Variants in LINGO2 observed in about 807,000 individuals in gnomAD.
LINGO2 encodes the protein leucine-rich repeat and immunoglobulin-like domain-containing nogo receptor-interacting protein 2.
In LINGO2, 14 loss-of-function variants were observed where a neutral mutation model predicts 30.6. The observed-to-expected ratio is 0.46, with a 90% CI of 0.30 to 0.72. The LOEUF (loss-of-function observed/expected upper bound fraction) is 0.72. LINGO2 is among the 30% of genes least tolerant of loss of function. The pLI is 0.07. For synonymous variants in LINGO2, 317 were observed against 288.5 expected, an observed-to-expected ratio of 1.10 and a Z score of -1.00; for missense variants, 729 against 751.7, an observed-to-expected ratio of 0.97 and a Z score of 0.35.
At chr9:28,388,055 A>G (rs1375727138) in intron 2 of LINGO2, among the ~76,000 whole-genome samples, 1 of 152,122 alleles carries the variant, frequency 6.6e-6, no homozygotes, top group Non-Finnish European at 1.5e-5. Flanking sequence ...CATTACTCCT[A>G]CCCACCAAAG....
the LINGO2 span, among the ~76,000 whole-genome samples, chr9:28,753,040 G>T: frequency 2.0e-5 from 3 of 152,172 alleles, no homozygotes; most frequent in South Asian, 4.1e-4. Flanking sequence ...CTGTCACCTG[G>T]AGATTTTTGA....
intron 5 of LINGO2, among the ~76,000 whole-genome samples, chr9:27,999,182 A>C (rs1037700091): frequency 6.6e-6 from 1 of 152,046 alleles, no homozygotes; most frequent in Non-Finnish European, 1.5e-5. Context: ...AAAAAGCAAA[A>C]AAAAACCCAA....
chr9:28,027,331 A>G (rs1014884651), intron 4 of LINGO2, among the ~76,000 whole-genome samples: 2 of 152,184 alleles, frequency 1.3e-5, no homozygotes, highest in African/African-American at 4.8e-5. Flanking sequence ...TCAAGCATGC[A>G]TACTCTGGAA....
At chr9:28,304,072 C>T (rs1043934083) in intron 3 of LINGO2, among the ~76,000 whole-genome samples, 2 of 151,944 alleles carry the variant, frequency 1.3e-5, no homozygotes, top group African/African-American at 4.8e-5. Context: ...GATCTAGGTG[C>T]ACAAGCTTCT....
At chr9:28,508,262 T>C (rs2135349310) in intron 1 of LINGO2, among the ~76,000 whole-genome samples, 1 of 152,234 alleles carries the variant, frequency 6.6e-6, no homozygotes, top group Non-Finnish European at 1.5e-5. Flanking sequence ...AGATTACAGC[T>C]TTAATATATC....
chr9:28,065,127 G>C (rs960793113), intron 4 of LINGO2, among the ~76,000 whole-genome samples: 2 of 151,802 alleles, frequency 1.3e-5, no homozygotes, highest in African/African-American at 4.8e-5. Context: ...CCTAAATTGT[G>C]GACGTGGCTT....
intron 4 of LINGO2, among the ~76,000 whole-genome samples, chr9:28,184,029 C>T (rs1452852091): frequency 6.6e-6 from 1 of 152,208 alleles, no homozygotes; most frequent in African/African-American, 2.4e-5. Context: ...CATTACTAAT[C>T]TTCTGCAATT....
chr9:28,747,177 G>A, the LINGO2 span, among the ~76,000 whole-genome samples: 6 of 152,072 alleles, frequency 3.9e-5, 1 homozygote, highest in African/African-American at 1.4e-4. Flanking sequence ...AGGAGATGAA[G>A]AGAGAGCAGA....
intron 4 of LINGO2, among the ~76,000 whole-genome samples, chr9:28,059,110 A>C (rs1171722219): frequency 6.6e-6 from 1 of 152,128 alleles, no homozygotes; most frequent in Non-Finnish European, 1.5e-5. Context: ...CAGGGCTTGC[A>C]TAATGTCCTC....
At chr9:28,394,187 A>T (rs1241624442) in intron 2 of LINGO2, among the ~76,000 whole-genome samples, 1 of 152,196 alleles carries the variant, frequency 6.6e-6, no homozygotes, top group African/African-American at 2.4e-5. Context: ...TACCAAAGCC[A>T]TATCAGGTAT....
chr9:28,775,611 T>C, the LINGO2 span, among the ~76,000 whole-genome samples: 12,057 of 152,200 alleles, frequency 0.079, 534 homozygotes, highest in Non-Finnish European at 0.083. Flanking sequence ...GGGCCTTAAA[T>C]ATTATAAGTC....
In LINGO2 at chr9:28,093,065, C is replaced by A. The variant is rs777687521; in HGVS notation, c.-86-80660G>T. Among the ~76,000 whole-genome samples the A allele has an allele frequency of 1.4e-3, 215 of 151,966 alleles. 1 individual carries two copies. The highest frequency in any genetic ancestry group is 2.4e-3 in the Non-Finnish European group (163 of 67,978). ...CAAGTTGAACAGGTAAGATTTAAAC[C>A]CAGGTAGTCAGACCTCTAAGTACAT... On this transcript the variant is annotated intron_variant, in intron 4 of 5. Transcript: ENST00000379992.
At chr9:28,008,768 T>C (rs1480613816) in intron 5 of LINGO2, among the ~76,000 whole-genome samples, 1 of 152,154 alleles carries the variant, frequency 6.6e-6, no homozygotes, top group African/African-American at 2.4e-5. Context: ...ATTAAAGGCC[T>C]AAGCATATGG....
chr9:28,120,651 A>G (rs557809097), intron 4 of LINGO2, among the ~76,000 whole-genome samples: 3 of 152,186 alleles, frequency 2.0e-5, no homozygotes, highest in Non-Finnish European at 4.4e-5. Context: ...ATGCAGCAAT[A>G]TGGTAATTAT....
intron 4 of LINGO2, among the ~76,000 whole-genome samples, chr9:28,111,804 A>G (rs1410013830): frequency 6.6e-6 from 1 of 152,176 alleles, no homozygotes; most frequent in Admixed American, 6.5e-5. Context: ...GGGCTTTTAG[A>G]GTCACACAGG....
At chr9:28,198,898 T>C (rs1267477142) in intron 4 of LINGO2, among the ~76,000 whole-genome samples, 1 of 152,178 alleles carries the variant, frequency 6.6e-6, no homozygotes, top group Non-Finnish European at 1.5e-5. Context: ...TTTGAATGAT[T>C]TCCTGACAAG....
At chr9:29,183,242 G>T in the LINGO2 span, among the ~76,000 whole-genome samples, 7 of 152,144 alleles carry the variant, frequency 4.6e-5, no homozygotes, top group Non-Finnish European at 8.8e-5. Flanking sequence ...AGTAAGCTAA[G>T]AAATTATTTA....
the LINGO2 span, among the ~76,000 whole-genome samples, chr9:28,889,568 A>G: frequency 2.6e-5 from 4 of 152,086 alleles, no homozygotes; most frequent in African/African-American, 9.7e-5. Flanking sequence ...ATGTTATTGA[A>G]GTTGTCTTTT....
chr9:28,450,328 A>G (rs1172616175), intron 2 of LINGO2, among the ~76,000 whole-genome samples: 3 of 152,040 alleles, frequency 2.0e-5, no homozygotes, highest in Admixed American at 1.3e-4. Flanking sequence ...TCCTCTGTTC[A>G]TTAAAGTCTG....
Sources: allele counts gnomAD v4.1 joint callset (sites outside exome capture counted in the v4.1 genomes callset), GRCh38; gene constraint gnomAD v4.1.1; transcripts MANE v1.5; gene names NCBI Gene and HGNC (gene_info 2026-07-23, HGNC 2026-07-21).